The following FASTKD1 variants were observed in gnomAD, a reference collection of about 807,000 sequenced individuals.
FASTKD1 encodes FAST kinase domain-containing protein 1, mitochondrial.
Under a neutral mutation model 90.9 loss-of-function variants are expected in FASTKD1, and 94 were observed. That is an observed-to-expected ratio of 1.03 (90% confidence interval 0.88 to 1.23). FASTKD1 has a LOEUF of 1.23. Among genes scored for constraint, FASTKD1 ranks in the 50% most tolerant of loss-of-function variants. The pLI, the probability that FASTKD1 is intolerant of heterozygous loss-of-function variation, is 0.00. For missense variants in FASTKD1, 945 were observed against 993.5 expected (o/e 0.95, Z 0.66); for synonymous variants, 319 against 345.8 (o/e 0.92, Z 0.86).
chr2:169,561,566 G>GT (rs900572650), intron 4 of FASTKD1, among the ~76,000 whole-genome samples: 8 of 151,426 alleles, frequency 5.3e-5, no homozygotes, highest in Non-Finnish European at 1.2e-4. Context: ...TTCAGCAAAT[G>GT]TAACTATTAA....
chr2:169,560,617 T>C lies in FASTKD1; in HGVS notation c.741A>G (p.Pro247=), dbSNP rs1683543766. ...FLRNVRYRYQ[P]LLERCNNVFL... Reference sequence around the variant, plus strand: ...ATACGTTATTACATCTTTCTAATAGTGGTTGATAACGATATCTAACATTTC... The same window carrying C: ...ATACGTTATTACATCTTTCTAATAGCGGTTGATAACGATATCTAACATTTC... The change falls in exon 5 of 15, where the codon CCA becomes CCG. Residue 247 remains proline (P), a synonymous_variant. Transcript: ENST00000453153. 2 of 1,612,012 alleles carry C rather than the reference T, an allele frequency of 1.2e-6. No homozygotes were observed. Among genetic ancestry groups the C allele is most frequent in the Non-Finnish European group, 1.7e-6 (2 of 1,179,274 alleles).
chr2:169,549,505 G>A (rs941407943), intron 7 of FASTKD1, among the ~76,000 whole-genome samples: 2 of 152,098 alleles, frequency 1.3e-5, no homozygotes, highest in Non-Finnish European at 2.9e-5. Context: ...TCACTCTGTT[G>A]CCCAGGCTAG....
At chr2:169,564,952 CTTT>C (rs557658819) in intron 3 of FASTKD1, among the ~76,000 whole-genome samples, 6 of 109,006 alleles carry the variant, frequency 5.5e-5, no homozygotes, top group Non-Finnish European at 7.8e-5. Flanking sequence ...CCACATTTTT[CTTT>C]TTTTTTTTTT....
intron 12 of FASTKD1, among the ~76,000 whole-genome samples, chr2:169,532,213 A>C (rs1684520303): frequency 6.6e-6 from 1 of 152,104 alleles, no homozygotes; most frequent in Non-Finnish European, 1.5e-5. Flanking sequence ...TGAGCTCAGG[A>C]GTTCCAGACC....
intron 2 of FASTKD1, among the ~76,000 whole-genome samples, chr2:169,570,178 T>C (rs1213368442): frequency 1.3e-5 from 2 of 152,196 alleles, no homozygotes; most frequent in South Asian, 2.1e-4. Context: ...GTGAGAAAAC[T>C]GCTCTTTTTC....
At chr2:169,570,315 T>G (rs1684174516) in intron 2 of FASTKD1, among the ~76,000 whole-genome samples, 1 of 152,180 alleles carries the variant, frequency 6.6e-6, no homozygotes, top group South Asian at 2.1e-4. Context: ...ACAACATATT[T>G]CTTTTTATTT....
intron 7 of FASTKD1, among the ~76,000 whole-genome samples, chr2:169,549,911 C>T (rs918676834): frequency 4.2e-4 from 64 of 152,158 alleles, no homozygotes; most frequent in African/African-American, 1.1e-3. Context: ...TTTAGCAGTA[C>T]GGCTTTGAAA....
At chr2:169,531,001 A>G (rs1433839718) in intron 13 of FASTKD1, 5 of 663,156 alleles carry the variant, frequency 7.5e-6, no homozygotes, top group Non-Finnish European at 1.4e-5. Flanking sequence ...CACAGCTTAT[A>G]GTCTAACAGA....
At chr2:169,549,746 C>T (rs955642795) in intron 7 of FASTKD1, among the ~76,000 whole-genome samples, 4 of 152,150 alleles carry the variant, frequency 2.6e-5, no homozygotes, top group Non-Finnish European at 5.9e-5. Context: ...GGATTACAAG[C>T]ATGAGCCACT....
intron 12 of FASTKD1, among the ~76,000 whole-genome samples, chr2:169,533,896 C>T (rs1000060754): frequency 2.6e-5 from 4 of 152,076 alleles, no homozygotes; most frequent in East Asian, 1.9e-4. Flanking sequence ...TTAGGCCAGG[C>T]GTGGTAGCTC....
At chr2:169,536,372 T>C (rs2105336744) in intron 12 of FASTKD1, among the ~76,000 whole-genome samples, 1 of 152,168 alleles carries the variant, frequency 6.6e-6, no homozygotes, top group East Asian at 1.9e-4. Flanking sequence ...TAGACCCTAA[T>C]TGTCACTGTC....
chr2:169,547,952 G>C (rs1015517040), intron 7 of FASTKD1, among the ~76,000 whole-genome samples: 33 of 122,276 alleles, frequency 2.7e-4, no homozygotes, highest in African/African-American at 9.0e-4. Flanking sequence ...GGTCCATAAA[G>C]GATTATTCAG....
chr2:169,537,714 C>T (rs139082830), intron 11 of FASTKD1, among the ~76,000 whole-genome samples: 1 of 152,142 alleles, frequency 6.6e-6, no homozygotes, highest in East Asian at 1.9e-4. Context: ...AAAATCATCC[C>T]AGTTCTACAA....
intron 7 of FASTKD1, among the ~76,000 whole-genome samples, chr2:169,550,136 G>A (rs1685423390): frequency 6.6e-6 from 1 of 151,342 alleles, no homozygotes; most frequent in Non-Finnish European, 1.5e-5. Flanking sequence ...ATAGCTGGGT[G>A]TAGCTGGGAT....
At chr2:169,544,089 G>A (rs1685076623) in intron 9 of FASTKD1, among the ~76,000 whole-genome samples, 2 of 152,042 alleles carry the variant, frequency 1.3e-5, no homozygotes, top group South Asian at 2.1e-4. Context: ...AAGTAATTAG[G>A]GATGGAGGGT....
chr2:169,559,522 T>C (rs1475611917), intron 5 of FASTKD1, among the ~76,000 whole-genome samples: 1 of 152,176 alleles, frequency 6.6e-6, no homozygotes, highest in East Asian at 1.9e-4. Flanking sequence ...CTCAACCTCC[T>C]TGGGCTCAGG....
chr2:169,546,301 C>CATAAT lies in FASTKD1; in HGVS notation c.1617_1618insATTAT (p.Ala540IlefsTer17). On this transcript the variant is annotated frameshift_variant, in exon 8 of 15. Transcript: ENST00000453153. LOFTEE classifies it high-confidence loss of function. ...TAATCAGTACTAGAAATAAAAGATG[C>CATAAT]AATCTCCCCAACATTTATGTAATTA... 1 of 1,613,690 alleles carries CATAAT rather than the reference C, an allele frequency of 6.2e-7. No homozygotes were observed. The highest frequency in any genetic ancestry group is 8.5e-7 in the Non-Finnish European group (1 of 1,179,754).
chr2:169,556,742 T>C (rs902762003), intron 6 of FASTKD1, among the ~76,000 whole-genome samples: 8 of 151,798 alleles, frequency 5.3e-5, no homozygotes, highest in South Asian at 2.1e-4. Context: ...GGAGAATCGC[T>C]TGAACCCGTC....
rs768921149 is a variant in FASTKD1 at position 169,531,451 on chromosome 2, G to A, written c.2228C>T (p.Pro743Leu). Residue 743 changes from proline (P) to leucine (L), a missense_variant, in exon 13 of 15, where the codon CCG (proline) becomes CTG (leucine). By Grantham distance (98) the Pro-to-Leu change is moderately conservative. Coordinates refer to ENST00000453153, the MANE Select transcript of FASTKD1 (RefSeq NM_024622.6). Reference sequence around the variant, plus strand: ...CAATGCTATATTATGGCTTCCATACGGAAGAGGTTTTTTTCTTTTATCCAA... The same window carrying A: ...CAATGCTATATTATGGCTTCCATACAGAAGAGGTTTTTTTCTTTTATCCAA... ...CILDKRKKPL[P>L]YGSHNIALGQ... 182 of 1,610,168 alleles carry A rather than the reference G, an allele frequency of 1.1e-4. No homozygotes were observed. Among genetic ancestry groups the A allele is most frequent in the Admixed American group, 9.7e-4 (58 of 59,574 alleles).
Sources: allele counts gnomAD v4.1 joint callset (sites outside exome capture counted in the v4.1 genomes callset), GRCh38; gene constraint gnomAD v4.1.1; transcripts MANE v1.5; gene names NCBI Gene and HGNC (gene_info 2026-07-23, HGNC 2026-07-21).